SRD5A3: variants seen among roughly 807,000 people sequenced by gnomAD.
SRD5A3 encodes steroid 5 alpha-reductase 3.
In SRD5A3, 24 loss-of-function variants were observed where a neutral mutation model predicts 34.3. The ratio of observed to expected loss-of-function variants is 0.70; its 90% confidence interval spans 0.51 to 0.99. The LOEUF (loss-of-function observed/expected upper bound fraction) is 0.99, where lower values mean the gene tolerates loss of function less well. SRD5A3 is among the 50% of genes least tolerant of loss of function. The pLI, the probability that SRD5A3 is intolerant of heterozygous loss-of-function variation, is 0.00. For missense variants in SRD5A3, 350 were observed against 388.2 expected, an observed-to-expected ratio of 0.90 and a Z score of 0.83; for synonymous variants, 161 against 167.3, an observed-to-expected ratio of 0.96 and a Z score of 0.29.
intron 2 of SRD5A3, among the ~76,000 whole-genome samples, chr4:55,362,054 T>C (rs969907194): frequency 2.6e-5 from 4 of 152,018 alleles, no homozygotes; most frequent in African/African-American, 4.8e-5. Context: ...TCTGTGCTGA[T>C]AGGGGTTGTT....
chr4:55,354,362 C>G (rs925805064), intron 1 of SRD5A3, among the ~76,000 whole-genome samples: 4 of 152,092 alleles, frequency 2.6e-5, no homozygotes, highest in Non-Finnish European at 5.9e-5. Flanking sequence ...TTCAGAGTGC[C>G]GGGATTACAG....
chr4:55,358,511 G>A (rs1267749832), intron 1 of SRD5A3, among the ~76,000 whole-genome samples: 3 of 132,512 alleles, frequency 2.3e-5, no homozygotes, highest in African/African-American at 8.7e-5. Flanking sequence ...ACTCCAGCCT[G>A]GACAACACAG....
At chr4:55,366,226 A>G (rs888020458) in intron 3 of SRD5A3, among the ~76,000 whole-genome samples, 3 of 152,362 alleles carry the variant, frequency 2.0e-5, no homozygotes, top group East Asian at 1.9e-4. Context: ...TCCTGTAGGT[A>G]AACTCTCTGC....
chr4:55,368,982 G>A (rs748994707), intron 4 of SRD5A3, among the ~76,000 whole-genome samples: 8 of 151,844 alleles, frequency 5.3e-5, no homozygotes, highest in African/African-American at 1.7e-4. Flanking sequence ...CAGGTGATCC[G>A]CCCACCTCAG....
At position 55,371,885 on chromosome 4, in the gene SRD5A3, C is replaced by T. The variant is rs185843453; in HGVS notation, c.*1794C>T. The T allele has an allele frequency of 6.6e-6, 1 of 152,180 alleles. No individual in the cohort carries two copies. The highest frequency in any genetic ancestry group is 2.4e-5 in the African/African-American group (1 of 41,450). 9.4% of individuals were successfully genotyped at this position (152,180 alleles called of 1,614,324 possible). ...GGCCAGGCTGGTCTCAAACTCCTGA[C>T]CTCAGGTGATCCACCTGCTTCGGCC... On this transcript the variant is annotated 3_prime_UTR_variant, in exon 5 of 5. Coordinates refer to ENST00000264228, the MANE Select transcript of SRD5A3 (RefSeq NM_024592.5).
chr4:55,368,050 A>AGGT (rs1032317535), intron 4 of SRD5A3, among the ~76,000 whole-genome samples: 3 of 152,190 alleles, frequency 2.0e-5, no homozygotes, highest in African/African-American at 7.2e-5. Flanking sequence ...GACTTATCAC[A>AGGT]GGTATAGTTT....
chr4:55,369,685 T>C (rs1720046729), intron 4 of SRD5A3, 147 bp from the exon 5 acceptor site: 1 of 885,564 alleles, frequency 1.1e-6, no homozygotes, highest in Admixed American at 2.4e-5. Flanking sequence ...GAGCCATGAC[T>C]GCACGACTGC....
At chr4:55,355,491 G>A (rs1257128177) in intron 1 of SRD5A3, among the ~76,000 whole-genome samples, 1 of 151,704 alleles carries the variant, frequency 6.6e-6, no homozygotes, top group Non-Finnish European at 1.5e-5. Flanking sequence ...ATGTATAGAG[G>A]GAAATCAGGC....
rs1720105311 is a variant in SRD5A3, at chr4:55,370,939, T to A, written c.*848T>A. 1 of 151,814 alleles carries A rather than the reference T, an allele frequency of 6.6e-6. No homozygotes were observed. The highest frequency in any genetic ancestry group is 6.6e-5 in the Admixed American group (1 of 15,212). 9.4% of individuals were successfully genotyped at this position (151,814 alleles called of 1,614,324 possible). A position where few individuals can be genotyped will look rare whatever the true frequency, so the allele number is the denominator to read the frequency against. On this transcript the variant is annotated 3_prime_UTR_variant, in exon 5 of 5. Coordinates refer to ENST00000264228, the MANE Select transcript of SRD5A3 (RefSeq NM_024592.5). ...ACCAAAAGTTTCAGGAAAAAACGAG[T>A]TTGTTGGAGTTAGTTTATACTTTCA...
At chr4:55,352,071 AT>A in intron 1 of SRD5A3, 1 of 773,852 alleles carries the variant, frequency 1.3e-6, no homozygotes. Flanking sequence ...TTCTGCTCCA[AT>A]TTCTCAATTT....
intron 4 of SRD5A3, among the ~76,000 whole-genome samples, chr4:55,368,477 T>C (rs533850284): frequency 1.3e-5 from 2 of 149,256 alleles, no homozygotes; most frequent in East Asian, 4.1e-4. Context: ...CAAGCTGTAG[T>C]GCAGTGGCAC....
intron 2 of SRD5A3, among the ~76,000 whole-genome samples, 200 bp downstream of exon 2, chr4:55,359,688 A>G (rs1719605486): frequency 6.6e-6 from 1 of 152,172 alleles, no homozygotes; most frequent in African/African-American, 2.4e-5. Context: ...CTTCCCTGAG[A>G]AGGAGACAGA....
intron 2 of SRD5A3, among the ~76,000 whole-genome samples, chr4:55,363,443 G>A (rs1719761292): frequency 6.6e-6 from 1 of 151,732 alleles, no homozygotes; most frequent in Admixed American, 6.6e-5. Context: ...CAAAAATAAA[G>A]AAGTTGACAC....
At chr4:55,357,461 T>C (rs569510623) in intron 1 of SRD5A3, among the ~76,000 whole-genome samples, 2 of 152,266 alleles carry the variant, frequency 1.3e-5, no homozygotes, top group East Asian at 3.9e-4. Flanking sequence ...GACCATAACC[T>C]GGGGTCAGTT....
At chr4:55,365,825 T>C (rs1478494213) in intron 3 of SRD5A3, among the ~76,000 whole-genome samples, 1 of 152,190 alleles carries the variant, frequency 6.6e-6, no homozygotes, top group Non-Finnish European at 1.5e-5. Flanking sequence ...AGAAAACACA[T>C]TGGGGCATTT....
intron 2 of SRD5A3, among the ~76,000 whole-genome samples, chr4:55,361,861 T>A (rs1393708156): frequency 6.6e-6 from 1 of 152,148 alleles, no homozygotes; most frequent in Non-Finnish European, 1.5e-5. Context: ...CATCAGCGGA[T>A]CTCACTCCAC....
intron 3 of SRD5A3, chr4:55,365,811 TGA>T (rs1309675098): frequency 2.6e-5 from 4 of 152,168 alleles, no homozygotes; most frequent in Admixed American, 6.5e-5. Context: ...AGTAATTCAT[TGA>T]GAGAAAACAC....
Position 55,372,290 on chromosome 4 carries a change from T to C in SRD5A3, c.*2199T>C, listed in dbSNP as rs908423250. On this transcript the variant is annotated 3_prime_UTR_variant, in exon 5 of 5. Coordinates refer to ENST00000264228, the MANE Select transcript of SRD5A3 (RefSeq NM_024592.5). ...GATGTTCTGGAATCTCATTGTACTC[T>C]TAAGTAAAATAACGAGCATCCCATG... is the stretch of plus-strand genomic sequence containing the variant. 2.0e-5 allele frequency: 3 copies of C among 152,190 alleles called. No individual in the cohort carries two copies. Among genetic ancestry groups the C allele is most frequent in the African/African-American group, 7.2e-5 (3 of 41,434 alleles). 9.4% of individuals were successfully genotyped at this position (152,190 alleles called of 1,614,324 possible). A position where few individuals can be genotyped will look rare whatever the true frequency, so the allele number is the denominator to read the frequency against.
Position 55,370,100 on chromosome 4 carries a change from C to T in SRD5A3, c.*9C>T, listed in dbSNP as rs1720066097. ...TACCATTTTTGTTTTAAGTTAACCT[C>T]AGTCATGAAGAATGCAAACCAGGTG... On this transcript the variant is annotated 3_prime_UTR_variant, in exon 5 of 5. Coordinates refer to ENST00000264228, the MANE Select transcript of SRD5A3 (RefSeq NM_024592.5). 2.5e-6 allele frequency: 4 copies of T among 1,612,540 alleles called. No individual in the cohort carries two copies. Among genetic ancestry groups the T allele is most frequent in the African/African-American group, 1.3e-5 (1 of 74,864 alleles).
Sources: gnomAD v4.1 joint callset for allele counts (sites outside exome capture counted in the v4.1 genomes callset) on GRCh38, gnomAD v4.1.1 for gene constraint, MANE v1.5 for transcripts, NCBI Gene and HGNC (gene_info 2026-07-23, HGNC 2026-07-21) for gene names.